The following CDH8 variants were observed in gnomAD, a reference collection of about 807,000 sequenced individuals.
CDH8 encodes cadherin-8.
Under a neutral mutation model 68.1 loss-of-function variants are expected in CDH8, and 17 were observed. The ratio of observed to expected loss-of-function variants is 0.25; its 90% CI spans 0.17 to 0.37. The LOEUF is 0.37. CDH8 is among the 10% of genes least tolerant of loss of function. The pLI is 1.00. For missense variants in CDH8, 763 were observed against 999.3 expected (o/e 0.76, Z 3.19); for synonymous variants, 372 against 365.1 (o/e 1.02, Z -0.21).
intron 4 of CDH8, among the ~76,000 whole-genome samples, chr16:61,832,016 G>C (rs1234358534): frequency 6.6e-6 from 1 of 151,586 alleles, no homozygotes; most frequent in Non-Finnish European, 1.5e-5. Context: ...TCTATAAGTG[G>C]GGGGGTCATG....
intron 2 of CDH8, among the ~76,000 whole-genome samples, chr16:62,017,796 G>C (rs773389870): frequency 6.6e-5 from 10 of 152,126 alleles, no homozygotes; most frequent in Non-Finnish European, 1.5e-4. Context: ...TCTCCCCAGT[G>C]ACTTTGCATA....
intron 8 of CDH8, among the ~76,000 whole-genome samples, chr16:61,779,208 T>G (rs1312509965): frequency 6.6e-6 from 1 of 152,172 alleles, no homozygotes; most frequent in Non-Finnish European, 1.5e-5. Flanking sequence ...CATCACGTTC[T>G]CTGTGAAGGA....
intron 2 of CDH8, among the ~76,000 whole-genome samples, chr16:61,902,690 A>C (rs571246696): frequency 2.0e-5 from 3 of 152,208 alleles, no homozygotes; most frequent in Admixed American, 2.0e-4. Flanking sequence ...TTCTTCAACA[A>C]TTTAAATTGT....
chr16:61,752,596 G>A (rs1960196602), intron 8 of CDH8, among the ~76,000 whole-genome samples: 2 of 152,128 alleles, frequency 1.3e-5, no homozygotes, highest in Non-Finnish European at 2.9e-5. Context: ...AGCATTCTGT[G>A]TGACACTTTC....
At chr16:61,945,233 T>A (rs1273645790) in intron 2 of CDH8, among the ~76,000 whole-genome samples, 1 of 152,156 alleles carries the variant, frequency 6.6e-6, no homozygotes, top group Non-Finnish European at 1.5e-5. Flanking sequence ...TACAACAGGG[T>A]CATTGTGAAG....
At chr16:61,925,985 T>C (rs1964450024) in intron 2 of CDH8, among the ~76,000 whole-genome samples, 1 of 152,286 alleles carries the variant, frequency 6.6e-6, no homozygotes, top group Admixed American at 6.5e-5. Flanking sequence ...CTGTTCAAAT[T>C]GCTTTACATA....
chr16:61,738,199 T>A (rs1959757410), intron 8 of CDH8, among the ~76,000 whole-genome samples: 1 of 152,146 alleles, frequency 6.6e-6, no homozygotes, highest in African/African-American at 2.4e-5. Flanking sequence ...GTGACTTTGA[T>A]TCAAGCCCTC....
chr16:61,725,678 T>A (rs1029516636), intron 9 of CDH8: 1 of 150,752 alleles, frequency 6.6e-6, no homozygotes, highest in African/African-American at 2.4e-5. Context: ...ATATACACAC[T>A]CCCTTCTCAA....
chr16:61,867,789 T>C (rs1002235855), intron 3 of CDH8, among the ~76,000 whole-genome samples: 3 of 152,200 alleles, frequency 2.0e-5, no homozygotes, highest in Non-Finnish European at 4.4e-5. Flanking sequence ...GATTCCTAAG[T>C]TGAATCATTC....
chr16:61,914,938 C>T (rs1510157), intron 2 of CDH8, among the ~76,000 whole-genome samples: 23,388 of 152,026 alleles, frequency 0.15, 2,028 homozygotes, highest in Middle Eastern at 0.25. Context: ...GCATTTGTTT[C>T]ATTTTAAGCC....
chr16:61,829,472 A>G (rs1449096770), intron 4 of CDH8, among the ~76,000 whole-genome samples: 1 of 151,748 alleles, frequency 6.6e-6, no homozygotes, highest in African/African-American at 2.4e-5. Context: ...CCTGCATGTC[A>G]CTCCTACACA....
At chr16:61,768,346 C>CGCTCTCTCTCTCTCTCCCTT (rs1960660400) in intron 8 of CDH8, among the ~76,000 whole-genome samples, 1 of 107,118 alleles carries the variant, frequency 9.3e-6, no homozygotes, top group African/African-American at 3.9e-5. Flanking sequence ...CTCTCTCTCT[C>CGCTCTCTCTCTCTCTCCCTT]TCTCTCTCTC....
chr16:62,027,292 A>C (rs1902218358), intron 1 of CDH8, among the ~76,000 whole-genome samples: 1 of 152,206 alleles, frequency 6.6e-6, no homozygotes, highest in Non-Finnish European at 1.5e-5. Flanking sequence ...TGCTGATTCC[A>C]ACATTATTTT....
In CDH8 at chr16:61,662,200, A is replaced by T. The variant is rs563837367; in HGVS notation, c.1655-6479T>A. ...TATCTTGGCTGTTCACTACCTCTAA[A>T]CTTGGCTTCAATTTTACTCATACGT... On this transcript the variant is annotated intron_variant, in intron 10 of 11. Transcript: ENST00000577390. Among the ~76,000 whole-genome samples the T allele has an allele frequency of 1.3e-3, 203 of 150,500 alleles. 2 individuals carry two copies. The highest frequency in any genetic ancestry group is 2.2e-3 in the Non-Finnish European group (151 of 67,378).
intron 8 of CDH8, among the ~76,000 whole-genome samples, chr16:61,746,018 G>C (rs1440901608): frequency 6.6e-6 from 1 of 151,866 alleles, no homozygotes; most frequent in Admixed American, 6.6e-5. Flanking sequence ...CAGAATTATG[G>C]GGATTAATTT....
chr16:61,872,623 G>T (rs1220072427), intron 3 of CDH8, among the ~76,000 whole-genome samples: 2 of 152,138 alleles, frequency 1.3e-5, no homozygotes, highest in African/African-American at 4.8e-5. Context: ...AAGACTCAAA[G>T]AGTCTGTTCT....
rs532834907 is a variant in CDH8, at chr16:61,784,188, A to G, written c.1414+5158T>C. On this transcript the variant is annotated intron_variant, in intron 8 of 11. Transcript: ENST00000577390. ...CCCATCAGTGTGCTGTATTCAGGAA[A>G]CCCATCTCACGTGCAGAGACACACA... 1.8e-4 allele frequency among the ~76,000 whole-genome samples: 27 copies of G among 152,020 alleles called. No individual in the cohort carries two copies. The South Asian group carries it at 2.5e-3, about 14-fold the overall frequency.
At position 61,808,427 on chromosome 16, in the gene CDH8, C is replaced by A. The variant is rs372550172; in HGVS notation, c.1277+9052G>T. Among the ~76,000 whole-genome samples, 32 of 152,278 alleles carry A rather than the reference C, an allele frequency of 2.1e-4. No homozygotes were observed. In the East Asian group the frequency reaches 4.1e-3, roughly 19 times the overall value. On this transcript the variant is annotated intron_variant, in intron 7 of 11. Coordinates refer to ENST00000577390, the MANE Select transcript of CDH8 (RefSeq NM_001796.5). Reference sequence around the variant, plus strand: ...CTAAGCAGGGAAACATCACAGTATTCTTCAGGGTACCCACTGCATCCTGCA... The same window carrying A: ...CTAAGCAGGGAAACATCACAGTATTATTCAGGGTACCCACTGCATCCTGCA...
At chr16:61,661,422 C>G (rs149423272) in intron 10 of CDH8, among the ~76,000 whole-genome samples, 3,381 of 151,680 alleles carry the variant, frequency 0.022, 78 homozygotes, top group Non-Finnish European at 0.033. Flanking sequence ...TGGAATGAAA[C>G]TAATAATAGG....
Sources: gnomAD v4.1 joint callset for allele counts (sites outside exome capture counted in the v4.1 genomes callset) on GRCh38, gnomAD v4.1.1 for gene constraint, MANE v1.5 for transcripts, NCBI Gene and HGNC (gene_info 2026-07-23, HGNC 2026-07-21) for gene names.